PAK1IP1: variants seen among roughly 807,000 people sequenced by gnomAD.
PAK1IP1 encodes the protein PAK1 interacting protein 1.
In PAK1IP1, 24 loss-of-function variants were observed where a neutral mutation model predicts 42.0. That is an observed-to-expected ratio of 0.57 (90% CI 0.41 to 0.80). The LOEUF (loss-of-function observed/expected upper bound fraction) is 0.80. PAK1IP1 is among the 30% of genes least tolerant of loss of function. The pLI, the probability that PAK1IP1 is intolerant of heterozygous loss-of-function variation, is 0.00. For synonymous variants in PAK1IP1, 154 were observed against 156.7 expected (o/e 0.98, Z 0.13); for missense variants, 411 against 467.9 (o/e 0.88, Z 1.12).
chr6:10,708,960 C>T lies in PAK1IP1; in HGVS notation c.848C>T (p.Pro283Leu). 1 of 1,604,482 alleles carries T rather than the reference C, an allele frequency of 6.2e-7. No individual in the cohort carries two copies. The highest frequency in any genetic ancestry group is 8.5e-7 in the Non-Finnish European group (1 of 1,175,078). Reference sequence around the variant, plus strand: ...TTTGTTTCTTCTGTTTAGAAAGTTCCCCCATCTTTACTCTGTGAAATAAAC... The same window carrying T: ...TTTGTTTCTTCTGTTTAGAAAGTTCTCCCATCTTTACTCTGTGAAATAAAC... ...MWKLKQDKKV[P>L]PSLLCEINTN... The change falls in exon 9 of 10, where the codon CCC becomes CTC. Residue 283 changes from proline to leucine, a missense_variant. Transcript: ENST00000379568.
At chr6:10,698,445 G>A (rs73436181) in intron 2 of PAK1IP1, among the ~76,000 whole-genome samples, 12,341 of 152,276 alleles carry the variant, frequency 0.081, 1,492 homozygotes, top group African/African-American at 0.26. Flanking sequence ...ACTTGAACCT[G>A]GGCCTAGAGC....
intron 8 of PAK1IP1, 133 bp downstream of exon 8, chr6:10,707,647 T>C (rs1770246253): frequency 1.7e-6 from 1 of 579,940 alleles, no homozygotes; most frequent in East Asian, 2.9e-5. Flanking sequence ...TTGATATTAA[T>C]GGTTTTAAAA....
In PAK1IP1 at chr6:10,707,488, A is replaced by T; in HGVS notation, c.814A>T (p.Lys272Ter). ...IVSASSDGFI[K>*]MWKLKQDKKV... The stretch of plus-strand genomic sequence containing the variant: ...TTCAGCATCGAGTGATGGTTTCATC[A>T]AAATGTGGAAGCTTAAGCAGGATAA... The change falls in exon 8 of 10, where the codon AAA becomes TAA. Residue 272 changes from lysine to a stop codon, truncating the protein, a stop_gained. Transcript: ENST00000379568. LOFTEE classifies it high-confidence loss of function. 1 of 1,607,732 alleles carries T rather than the reference A, an allele frequency of 6.2e-7. No homozygotes were observed. Among genetic ancestry groups the T allele is most frequent in the Non-Finnish European group, 8.5e-7 (1 of 1,174,102 alleles).
At chr6:10,695,963 A>AT (rs35245480) in intron 1 of PAK1IP1, among the ~76,000 whole-genome samples, 4,631 of 146,452 alleles carry the variant, frequency 0.032, 101 homozygotes, top group Admixed American at 0.054. Flanking sequence ...ATGCTATTTA[A>AT]TTTTTTTTTT....
At chr6:10,703,558 G>A (rs1770103706) in intron 5 of PAK1IP1, 101 bp downstream of exon 5, 1 of 767,088 alleles carries the variant, frequency 1.3e-6, no homozygotes, top group Non-Finnish European at 2.2e-6. Flanking sequence ...GGTGCCTCAA[G>A]TAGAAAATTC....
upstream of PAK1IP1, chr6:10,694,732 T>C (rs1041157420): frequency 7.7e-6 from 3 of 390,686 alleles, no homozygotes; most frequent in African/African-American, 4.2e-5. Flanking sequence ...TTGCCCCCGA[T>C]TTTTTTCTCC....
chr6:10,702,255 GAAAA>G (rs1159479610), intron 2 of PAK1IP1, 110 bp from the exon 3 acceptor site: 1 of 736,614 alleles, frequency 1.4e-6, no homozygotes, highest in Non-Finnish European at 2.1e-6. Context: ...AAAAAAAAAA[GAAAA>G]AGAAAAAAAG....
chr6:10,703,016 A>G (rs1354886953), intron 4 of PAK1IP1, among the ~76,000 whole-genome samples: 3 of 152,112 alleles, frequency 2.0e-5, no homozygotes. Flanking sequence ...CGTGTTAGCC[A>G]GGATGGTCTT....
At chr6:10,704,237 C>T (rs773505048) in intron 5 of PAK1IP1, among the ~76,000 whole-genome samples, 19 of 152,040 alleles carry the variant, frequency 1.2e-4, no homozygotes, top group Non-Finnish European at 1.9e-4. Flanking sequence ...GTTTGCCAGG[C>T]TGGTCTCAAA....
chr6:10,698,944 T>C (rs1389597816), intron 2 of PAK1IP1, among the ~76,000 whole-genome samples: 4 of 152,004 alleles, frequency 2.6e-5, no homozygotes, highest in Non-Finnish European at 4.4e-5. Context: ...CTCGCGCCTG[T>C]AATCCCAGCA....
upstream of PAK1IP1, among the ~76,000 whole-genome samples, chr6:10,691,385 T>C (rs987444895): frequency 2.0e-5 from 3 of 151,960 alleles, no homozygotes; most frequent in Admixed American, 6.6e-5. Flanking sequence ...AGGGTCGTGA[T>C]TGACTGAGCA....
rs1311578248 is a variant in PAK1IP1, at chr6:10,697,391, AT to A, written c.153del (p.Asn51LysfsTer19). ...HTASLSAVAV[N>X]SRFVVTGSKD... ...GCCTCCTTGTCAGCAGTAGCTGTAA[AT>A]AGTCGTTTTGTGGTCACTGGGAGCA... On this transcript the variant is annotated frameshift_variant, in exon 2 of 10. Transcript: ENST00000379568. LOFTEE classifies it high-confidence loss of function. 3.1e-6 allele frequency: 5 copies of A among 1,613,982 alleles called. No individual in the cohort carries two copies. Among genetic ancestry groups the A allele is most frequent in the Non-Finnish European group, 4.2e-6 (5 of 1,179,962 alleles).
In PAK1IP1 at chr6:10,695,060, C is replaced by T. The variant is rs1322612876; in HGVS notation, c.75C>T (p.Gly25=). The change falls in exon 1 of 10, where the codon GGC becomes GGT. Residue 25 remains glycine (G), a synonymous_variant. Transcript: ENST00000379568. ...TACACCCGGAGCCCGAGGCTTGCGG[C>T]GACCACGAGGTGAGATACCGCGTAG... ...FAVHPEPEAC[G]DHEQWTLVAD... The T allele has an allele frequency of 1.3e-6, 2 of 1,596,118 alleles. No homozygotes were observed. Among genetic ancestry groups the T allele is most frequent in the Non-Finnish European group, 1.7e-6 (2 of 1,175,232 alleles).
rs199863311 is a variant in PAK1IP1 at position 10,697,733 on chromosome 6, C to CA, written c.247+255dup. ...GACCAGACCTGTCTCTACTAAAATA[C>CA]AAAAAAAATTAGCCAGGTGTGGTGG... On this transcript the variant is annotated intron_variant, in intron 2 of 9. Transcript: ENST00000379568. Among the ~76,000 whole-genome samples the CA allele has an allele frequency of 3.3e-5, 5 of 151,452 alleles. No homozygotes were observed. In the South Asian group the frequency reaches 6.3e-4, roughly 19 times the overall value.
upstream of PAK1IP1, chr6:10,694,600 GCAACCGGCC>G: frequency 5.2e-5 from 9 of 173,894 alleles, no homozygotes; most frequent in East Asian, 3.2e-4. Flanking sequence ...CAGCCCCTAA[GCAACCGGCC>G]GGAAGTCGGC....
intron 5 of PAK1IP1, 116 bp downstream of exon 5, chr6:10,703,573 C>T (rs1315744821): frequency 1.5e-6 from 1 of 659,284 alleles, no homozygotes; most frequent in South Asian, 1.9e-5. Flanking sequence ...AAATTCAACA[C>T]CTTACCTCAT....
In PAK1IP1 at chr6:10,704,619, T is replaced by C. The variant is rs1417230783; in HGVS notation, c.609T>C (p.Asn203=). The C allele has an allele frequency of 6.2e-7, 1 of 1,611,548 alleles. No individual in the cohort carries two copies. The highest frequency in any genetic ancestry group is 1.3e-5 in the African/African-American group (1 of 75,014). The change falls in exon 6 of 10, where the codon AAT becomes AAC. Residue 203 remains asparagine (N), a synonymous_variant. Coordinates refer to ENST00000379568, the MANE Select transcript of PAK1IP1 (RefSeq NM_017906.3). ...CATCCATTAGTGGCACCATCACAAA[T>C]GAAAAGAGAATTTCCTCTGTTAAAT... ...DTASISGTIT[N]EKRISSVKFL... is the part of the protein sequence containing the mutation.
At chr6:10,702,338 A>G (rs1397922922) in intron 2 of PAK1IP1, 31 bp from the exon 3 acceptor site, 4 of 1,583,694 alleles carry the variant, frequency 2.5e-6, no homozygotes. Context: ...TAAAATGAAT[A>G]TTATTTTTGC....
chr6:10,694,892 A>G (rs908230315), upstream of PAK1IP1: 10 of 835,792 alleles, frequency 1.2e-5, no homozygotes, highest in East Asian at 2.5e-5. Flanking sequence ...CGATGCAGAA[A>G]GGAGTCAGGT....
Sources: allele counts gnomAD v4.1 joint callset (sites outside exome capture counted in the v4.1 genomes callset), GRCh38; gene constraint gnomAD v4.1.1; transcripts MANE v1.5; gene names NCBI Gene and HGNC (gene_info 2026-07-23, HGNC 2026-07-21).